The following CHN2 variants were observed in gnomAD, a reference collection of about 807,000 sequenced individuals.
The protein encoded by CHN2 is chimerin 2, also known as beta-chimaerin.
Under a neutral mutation model 56.3 loss-of-function variants are expected in CHN2, and 35 were observed. The observed-to-expected ratio is 0.62, with a 90% CI of 0.47 to 0.82. The LOEUF is 0.82. Among genes scored for constraint, CHN2 ranks in the 40% least tolerant of loss-of-function variants. The pLI is 0.00. For missense variants in CHN2, 491 were observed against 580.5 expected (o/e 0.85, Z 1.58); for synonymous variants, 210 against 212.8 (o/e 0.99, Z 0.12).
At chr7:29,195,625 A>AGTGTGTGTGT (rs1197819580) in intron 1 of CHN2, among the ~76,000 whole-genome samples, 1 of 116,056 alleles carries the variant, frequency 8.6e-6, no homozygotes, top group African/African-American at 4.0e-5. Context: ...AGAGAGAGAG[A>AGTGTGTGTGT]GAGAGTGTGT....
At chr7:29,192,551 C>T (rs899576571), upstream of CHN2, 7 of 152,198 alleles carry the variant, frequency 4.6e-5, no homozygotes, top group African/African-American at 1.7e-4. Flanking sequence ...GATTAGTTAT[C>T]TCCAGATGCA....
At chr7:29,234,824 C>T (rs569900977) in intron 1 of CHN2, among the ~76,000 whole-genome samples, 18 of 152,292 alleles carry the variant, frequency 1.2e-4, no homozygotes, top group African/African-American at 3.8e-4. Context: ...GCTAAAGTAA[C>T]ATTAGCATGA....
intron 1 of CHN2, among the ~76,000 whole-genome samples, chr7:29,344,177 A>G (rs571504355): frequency 1.3e-5 from 2 of 152,108 alleles, no homozygotes; most frequent in African/African-American, 4.8e-5. Flanking sequence ...CCACCATTCA[A>G]GTTCAGATCA....
intron 1 of CHN2, among the ~76,000 whole-genome samples, chr7:29,292,657 G>A (rs775127838): frequency 2.0e-5 from 3 of 152,198 alleles, no homozygotes; most frequent in African/African-American, 4.8e-5. Context: ...AAACTGGATC[G>A]TTGTCAGTAA....
chr7:29,331,685 A>G (rs1450239971), intron 1 of CHN2, among the ~76,000 whole-genome samples: 2 of 152,196 alleles, frequency 1.3e-5, no homozygotes, highest in South Asian at 2.1e-4. Flanking sequence ...GATTATGAAC[A>G]GTGATTTTTC....
chr7:29,499,235 C>G (rs1043631058), intron 8 of CHN2, among the ~76,000 whole-genome samples: 4 of 152,122 alleles, frequency 2.6e-5, no homozygotes, highest in Non-Finnish European at 5.9e-5. Context: ...TCAAGTACTC[C>G]TACTGGTGTA....
Position 29,240,798 on chromosome 7 carries a change from C to CTCT in CHN2, c.49+45826_49+45828dup, listed in dbSNP as rs559491542. On this transcript the variant is annotated intron_variant, in intron 1 of 12. Transcript: ENST00000222792. The stretch of plus-strand genomic sequence containing the variant: ...CTTCTTCTTTTTCTTCTTCTTCTTC[C>CTCT]TCTTCTTCTTCTTCTTCTTCGTCGT... 9.4e-3 allele frequency among the ~76,000 whole-genome samples: 1,259 copies of CTCT among 133,374 alleles called. 21 individuals are homozygous for CTCT. Among genetic ancestry groups the CTCT allele is most frequent in the African/African-American group, 0.029 (1,091 of 37,930 alleles). 87.5% of individuals were successfully genotyped at this position (133,374 alleles called of 152,430 possible). A position where few individuals can be genotyped will look rare whatever the true frequency, so the allele number is the denominator to read the frequency against.
At chr7:29,422,744 T>C (rs1206903740) in intron 6 of CHN2, among the ~76,000 whole-genome samples, 5 of 152,212 alleles carry the variant, frequency 3.3e-5, no homozygotes, top group African/African-American at 7.2e-5. Flanking sequence ...ACCAGGTTTC[T>C]TTTTCATAGG....
chr7:29,186,917 G>A (rs1258457579), intron 2 of CHN2, among the ~76,000 whole-genome samples: 1 of 152,088 alleles, frequency 6.6e-6, no homozygotes, highest in Non-Finnish European at 1.5e-5. Context: ...TCTACAGCTG[G>A]AGTTGTTGAG....
intron 1 of CHN2, among the ~76,000 whole-genome samples, chr7:29,233,502 T>C (rs1425841247): frequency 6.6e-6 from 1 of 152,056 alleles, no homozygotes; most frequent in East Asian, 1.9e-4. Context: ...CCTGTAAACA[T>C]GTTAGGTTGT....
intron 2 of CHN2, among the ~76,000 whole-genome samples, chr7:29,356,862 A>C (rs774412785): frequency 7.9e-5 from 12 of 152,186 alleles, no homozygotes; most frequent in Non-Finnish European, 1.8e-4. Context: ...AAATCAACAG[A>C]ATATCTGTAG....
chr7:29,485,632 A>G (rs1787881758), intron 7 of CHN2, among the ~76,000 whole-genome samples: 1 of 152,234 alleles, frequency 6.6e-6, no homozygotes, highest in South Asian at 2.1e-4. Context: ...CACCCGGGCT[A>G]TGCAAACAAC....
At chr7:29,254,609 G>C (rs1788924975) in intron 1 of CHN2, among the ~76,000 whole-genome samples, 1 of 152,088 alleles carries the variant, frequency 6.6e-6, no homozygotes, top group South Asian at 2.1e-4. Flanking sequence ...AACCACGACT[G>C]CTCCAGTAGT....
At chr7:29,476,841 C>G (rs958717089) in intron 6 of CHN2, among the ~76,000 whole-genome samples, 7 of 152,040 alleles carry the variant, frequency 4.6e-5, no homozygotes, top group African/African-American at 1.7e-4. Flanking sequence ...GATTATCTGG[C>G]CCAAAAGACC....
intron 6 of CHN2, among the ~76,000 whole-genome samples, chr7:29,446,516 T>C (rs1784044195): frequency 6.6e-6 from 1 of 152,170 alleles, no homozygotes; most frequent in African/African-American, 2.4e-5. Flanking sequence ...CCCAGCTGAC[T>C]GCCCTGAGAG....
At chr7:29,498,539 A>T (rs975551213) in intron 8 of CHN2, among the ~76,000 whole-genome samples, 5 of 152,248 alleles carry the variant, frequency 3.3e-5, no homozygotes, top group Non-Finnish European at 7.3e-5. Context: ...CACTGATTTT[A>T]CAAAAGTTTA....
chr7:29,155,304 C>G (rs1794206343), intron 2 of CHN2, among the ~76,000 whole-genome samples: 1 of 151,926 alleles, frequency 6.6e-6, no homozygotes, highest in Non-Finnish European at 1.5e-5. Flanking sequence ...AAGCCATTAT[C>G]AAAAATAAAT....
At chr7:29,285,551 C>T (rs1011356235) in intron 1 of CHN2, among the ~76,000 whole-genome samples, 1 of 152,224 alleles carries the variant, frequency 6.6e-6, no homozygotes, top group Non-Finnish European at 1.5e-5. Flanking sequence ...CGTTAGACCA[C>T]ATTTGCTTTT....
chr7:29,382,049 A>G (rs1445723835), intron 3 of CHN2, among the ~76,000 whole-genome samples: 1 of 152,190 alleles, frequency 6.6e-6, no homozygotes, highest in African/African-American at 2.4e-5. Flanking sequence ...GTCCTCTGGA[A>G]ATGGATATAA....
Sources: allele counts gnomAD v4.1 joint callset (sites outside exome capture counted in the v4.1 genomes callset), GRCh38; gene constraint gnomAD v4.1.1; transcripts MANE v1.5; gene names NCBI Gene and HGNC (gene_info 2026-07-23, HGNC 2026-07-21).